CDCP1: variants seen among roughly 807,000 people sequenced by gnomAD.
CDCP1 encodes CUB domain-containing protein 1.
In CDCP1, 29 loss-of-function variants were observed where a neutral mutation model predicts 60.2. That is an observed-to-expected ratio of 0.48 (90% CI 0.36 to 0.66). The LOEUF is 0.66. Ranked by LOEUF, CDCP1 falls within the 30% of genes least tolerant of loss-of-function variation. CDCP1 has a pLI of 0.00. For missense variants in CDCP1, 876 were observed against 1,074.3 expected (o/e 0.82, Z 2.58); for synonymous variants, 387 against 431.1 (o/e 0.90, Z 1.27).
At position 45,095,535 on chromosome 3, in the gene CDCP1, C is replaced by T. The variant is rs372469907; in HGVS notation, c.1058G>A (p.Arg353Gln). The T allele has an allele frequency of 5.6e-5, 91 of 1,613,938 alleles. No individual in the cohort carries two copies. The highest frequency in any genetic ancestry group is 5.1e-4 in the African/African-American group (38 of 74,866). The change falls in exon 5 of 9, where the codon CGA becomes CAA. Residue 353 changes from arginine (R) to glutamine (Q), a missense_variant. Arg to Gln is a conservative substitution (Grantham distance 43, BLOSUM62 1). This residue lies in a region of CDCP1 where 726 missense variants were observed against 935.7 expected (regional missense o/e 0.78). Coordinates refer to ENST00000296129, the MANE Select transcript of CDCP1 (RefSeq NM_022842.5). The part of the protein sequence containing the change: ...KIYVVDLSNE[R>Q]AMSLTIEPRP... Reference sequence around the variant, plus strand: ...TGGCTCGATGGTGAGTGACATGGCTCGCTCATTACTCAAGTCAACCACGTA... The same window carrying T: ...TGGCTCGATGGTGAGTGACATGGCTTGCTCATTACTCAAGTCAACCACGTA...
intron 5 of CDCP1, among the ~76,000 whole-genome samples, chr3:45,095,115 G>A (rs1176450870): frequency 6.6e-6 from 1 of 152,098 alleles, no homozygotes; most frequent in Admixed American, 6.5e-5. Context: ...TGTATTTTTA[G>A]TAAAGATGGG....
In CDCP1 at chr3:45,110,455, A is replaced by G. The variant is rs779835987; in HGVS notation, c.1024+18T>C. On this transcript the variant is annotated intron_variant, in intron 4 of 8. Transcript: ENST00000296129. ...AGGTGCTGGAGGAGGAAGAAAAAGG[A>G]AAGTGGGGCTCACTCACTGCTTTCA... The G allele has an allele frequency of 6.2e-7, 1 of 1,611,322 alleles. No individual in the cohort carries two copies. Among genetic ancestry groups the G allele is most frequent in the South Asian group, 1.1e-5 (1 of 90,962 alleles).
At chr3:45,140,075 A>G (rs1211439551) in intron 1 of CDCP1, among the ~76,000 whole-genome samples, 1 of 152,226 alleles carries the variant, frequency 6.6e-6, no homozygotes, top group Non-Finnish European at 1.5e-5. Flanking sequence ...CATATGGCAT[A>G]TGCCTGGATG....
chr3:45,137,248 T>C (rs565067361), intron 1 of CDCP1, among the ~76,000 whole-genome samples: 1 of 152,216 alleles, frequency 6.6e-6, no homozygotes. Flanking sequence ...CCATATGTAC[T>C]GTTCTGATCC....
At chr3:45,127,756 T>C (rs775444192) in intron 1 of CDCP1, among the ~76,000 whole-genome samples, 1 of 152,140 alleles carries the variant, frequency 6.6e-6, no homozygotes, top group Non-Finnish European at 1.5e-5. Flanking sequence ...CTTATTCCCA[T>C]GGCTGGTTTC....
chr3:45,091,324 CCGGGT>C lies in CDCP1; in HGVS notation c.1837_1841del (p.Thr613GlyfsTer2). The C allele has an allele frequency of 6.2e-7, 1 of 1,614,140 alleles. No individual in the cohort carries two copies. The highest frequency in any genetic ancestry group is 8.5e-7 in the Non-Finnish European group (1 of 1,180,036). ...CGTCCAGGCTGAAGATCTCCTCAGC[CCGGGT>C]CCGCTGCTCCTGGATGATCATGAAT... On this transcript the variant is annotated frameshift_variant, in exon 7 of 9. Transcript: ENST00000296129. LOFTEE classifies it high-confidence loss of function. This position sits in a 1 kb window ranked among gnomAD's most constrained non-coding sequence, Gnocchi z 4.8.
In CDCP1 at chr3:45,136,182, A is replaced by T. The variant is rs1699187391; in HGVS notation, c.82+10024T>A. On this transcript the variant is annotated intron_variant, in intron 1 of 8. Transcript: ENST00000296129. The stretch of plus-strand genomic sequence containing the variant: ...GAGAATTCAGGGATGTGAAAAACTA[A>T]GTTAAGGAACCAAGAATGCTGAGTT... Among the ~76,000 whole-genome samples the T allele has an allele frequency of 3.3e-5, 5 of 152,220 alleles. No homozygotes were observed. The South Asian group carries it at 1.0e-3, about 32-fold the overall frequency.
At chr3:45,110,971 T>A in intron 3 of CDCP1, 130 bp from the exon 4 acceptor site, 1 of 1,016,512 alleles carries the variant, frequency 9.8e-7, no homozygotes, top group Non-Finnish European at 1.4e-6. Context: ...TGGGTCTAGA[T>A]ACTGTATATT....
intron 1 of CDCP1, among the ~76,000 whole-genome samples, chr3:45,143,776 A>C (rs77037334): frequency 0.027 from 4,040 of 152,254 alleles, 68 homozygotes; most frequent in Middle Eastern, 0.095. Context: ...GCAGCATCTG[A>C]GGTGAGCCCT....
intron 4 of CDCP1, among the ~76,000 whole-genome samples, chr3:45,106,665 G>A (rs1375783987): frequency 6.6e-6 from 1 of 152,124 alleles, no homozygotes; most frequent in Non-Finnish European, 1.5e-5. Flanking sequence ...CATGTTGTGT[G>A]AAGAATGCAA....
At chr3:45,129,086 G>A (rs1200886887) in intron 1 of CDCP1, among the ~76,000 whole-genome samples, 5 of 152,232 alleles carry the variant, frequency 3.3e-5, no homozygotes, top group Non-Finnish European at 7.3e-5. Flanking sequence ...TGTCTGCAGT[G>A]CTTATGCTTT....
At chr3:45,114,555 T>C (rs1698753554) in intron 2 of CDCP1, among the ~76,000 whole-genome samples, 1 of 151,948 alleles carries the variant, frequency 6.6e-6, no homozygotes, top group South Asian at 2.1e-4. Context: ...GCTGGGACTA[T>C]AGGTGTGTGC....
intron 1 of CDCP1, among the ~76,000 whole-genome samples, chr3:45,135,449 C>G (rs1049112178): frequency 2.0e-5 from 3 of 152,120 alleles, no homozygotes; most frequent in African/African-American, 7.2e-5. Context: ...GAACAAAACC[C>G]AAGCTAGAAA....
At chr3:45,095,632 A>C in intron 4 of CDCP1, 64 bp from the exon 5 acceptor site, 3 of 1,408,062 alleles carry the variant, frequency 2.1e-6, no homozygotes, top group Non-Finnish European at 3.0e-6. Context: ...AAATGGCAAA[A>C]ATTGGTAGAA....
intron 8 of CDCP1, among the ~76,000 whole-genome samples, chr3:45,086,839 C>T: frequency 6.6e-6 from 1 of 152,268 alleles, no homozygotes; most frequent in East Asian, 1.9e-4. Flanking sequence ...GTGAACCAAA[C>T]AGCAGGGAAT....
At chr3:45,092,477 A>G (rs1411728667) in intron 6 of CDCP1, among the ~76,000 whole-genome samples, 1 of 152,146 alleles carries the variant, frequency 6.6e-6, no homozygotes, top group Non-Finnish European at 1.5e-5. Context: ...ACTGATGAGA[A>G]TGTGTCTTAT....
At chr3:45,118,014 C>T (rs997902156) in intron 2 of CDCP1, among the ~76,000 whole-genome samples, 3 of 152,150 alleles carry the variant, frequency 2.0e-5, no homozygotes, top group Admixed American at 2.0e-4. Context: ...ATATTTTTAG[C>T]ACACAGGATG....
At chr3:45,113,208 GAA>G (rs1197133753) in intron 2 of CDCP1, among the ~76,000 whole-genome samples, 1 of 152,174 alleles carries the variant, frequency 6.6e-6, no homozygotes, top group African/African-American at 2.4e-5. Context: ...AATATACTCT[GAA>G]CGTGCAACTC....
At chr3:45,105,710 G>A (rs1698552534) in intron 4 of CDCP1, among the ~76,000 whole-genome samples, 1 of 152,116 alleles carries the variant, frequency 6.6e-6, no homozygotes, top group Non-Finnish European at 1.5e-5. Flanking sequence ...ATATAGATGG[G>A]TAGAATACTG....
Sources: gnomAD v4.1 joint callset for allele counts (sites outside exome capture counted in the v4.1 genomes callset) on GRCh38, gnomAD v4.1.1 for gene constraint, gnomAD v4.1.1 regional missense constraint, Gnocchi (gnomAD v3.1) non-coding constraint, MANE v1.5 for transcripts, NCBI Gene and HGNC (gene_info 2026-07-23, HGNC 2026-07-21) for gene names.